The following LRPPRC variants were observed in gnomAD, a reference collection of about 807,000 sequenced individuals.
The protein encoded by LRPPRC is leucine rich pentatricopeptide repeat containing.
In LRPPRC, 120 loss-of-function variants were observed where a neutral mutation model predicts 180.3. The ratio of observed to expected loss-of-function variants is 0.67; its 90% CI spans 0.57 to 0.77. The LOEUF is 0.77. LRPPRC is among the 30% of genes least tolerant of loss of function. The pLI, the probability that LRPPRC is intolerant of heterozygous loss-of-function variation, is 0.00. For missense variants in LRPPRC, 2,012 were observed against 1,657.2 expected, an observed-to-expected ratio of 1.21 and a Z score of -3.72; for synonymous variants, 723 against 600.0, an observed-to-expected ratio of 1.21 and a Z score of -3.00.
intron 36 of LRPPRC, among the ~76,000 whole-genome samples, chr2:43,893,450 C>A (rs1019880271): frequency 2.6e-5 from 4 of 152,174 alleles, no homozygotes; most frequent in Non-Finnish European, 5.9e-5. Context: ...CAATCATCAC[C>A]CTGATCATTC....
At chr2:43,927,504 C>A (rs1277983258) in intron 25 of LRPPRC, among the ~76,000 whole-genome samples, 1 of 152,188 alleles carries the variant, frequency 6.6e-6, no homozygotes, top group Non-Finnish European at 1.5e-5. Context: ...CACTCAGGCA[C>A]AATTTCTTCT....
chr2:43,918,814 T>TCTCTATATATAGAG (rs1671583532), intron 27 of LRPPRC, among the ~76,000 whole-genome samples: 4 of 145,002 alleles, frequency 2.8e-5, no homozygotes, highest in African/African-American at 7.7e-5. Context: ...TATATAGATA[T>TCTCTATATATAGAG]ATATATATCT....
intron 1 of LRPPRC, among the ~76,000 whole-genome samples, chr2:43,990,229 G>A (rs896404988): frequency 5.3e-5 from 8 of 151,698 alleles, no homozygotes; most frequent in Non-Finnish European, 1.2e-4. Context: ...AAAAAAAAAA[G>A]AAAGTAATCA....
intron 1 of LRPPRC, among the ~76,000 whole-genome samples, chr2:43,985,112 G>C (rs1168929790): frequency 6.7e-6 from 1 of 149,292 alleles, no homozygotes; most frequent in Non-Finnish European, 1.5e-5. Context: ...GGCTTCCATG[G>C]GACCCTCCCC....
At chr2:43,972,593 G>A (rs1296780971) in intron 11 of LRPPRC, among the ~76,000 whole-genome samples, 1 of 152,084 alleles carries the variant, frequency 6.6e-6, no homozygotes, top group Non-Finnish European at 1.5e-5. Context: ...TCAGACTGGA[G>A]GATATACAAA....
chr2:43,979,591 TTC>T (rs1330681293), intron 3 of LRPPRC, among the ~76,000 whole-genome samples: 1 of 152,248 alleles, frequency 6.6e-6, no homozygotes, highest in Non-Finnish European at 1.5e-5. Flanking sequence ...GGCTATTTTC[TTC>T]TTTTTCTTTT....
At chr2:43,962,115 A>G (rs1673372066) in intron 12 of LRPPRC, among the ~76,000 whole-genome samples, 2 of 152,358 alleles carry the variant, frequency 1.3e-5, no homozygotes, top group South Asian at 2.1e-4. Flanking sequence ...CAAATTTGGG[A>G]TAAGTTTCCA....
chr2:43,900,624 G>A (rs1670848766), intron 32 of LRPPRC, among the ~76,000 whole-genome samples: 1 of 151,702 alleles, frequency 6.6e-6, no homozygotes, highest in Admixed American at 6.6e-5. Context: ...AAACACAACT[G>A]TTTCTCAAAC....
rs116975103 is a variant in LRPPRC at position 43,980,014 on chromosome 2, A to G, written c.347-66T>C. On this transcript the variant is annotated intron_variant, in intron 2 of 37. Coordinates refer to ENST00000260665, the MANE Select transcript of LRPPRC (RefSeq NM_133259.4). ...CAATATCACATAGATAAATATCAAA[A>G]TTTAAACAGAAATCTATAAGCATTC... 89 of 1,478,740 alleles carry G rather than the reference A, an allele frequency of 6.0e-5. No homozygotes were observed. The East Asian group carries it at 1.9e-3, about 32-fold the overall frequency. 91.6% of individuals were successfully genotyped at this position (1,478,740 alleles called of 1,614,324 possible).
At position 43,949,643 on chromosome 2, in the gene LRPPRC, TACA is replaced by T; in HGVS notation, c.1691_1693del (p.Leu564del). On this transcript the variant is annotated inframe_deletion, in exon 16 of 38. Coordinates refer to ENST00000260665, the MANE Select transcript of LRPPRC (RefSeq NM_133259.4). ...CTCCTGGCAATAACGTCCATCCTTG[TACA>T]ACAATTCTGTTATCTGGTAAGACAG... The T allele has an allele frequency of 3.7e-6, 6 of 1,613,848 alleles. No homozygotes were observed. The highest frequency in any genetic ancestry group is 5.1e-6 in the Non-Finnish European group (6 of 1,179,766).
At chr2:43,979,271 T>C (rs1408644721) in intron 3 of LRPPRC, among the ~76,000 whole-genome samples, 1 of 152,142 alleles carries the variant, frequency 6.6e-6, no homozygotes, top group Non-Finnish European at 1.5e-5. Flanking sequence ...TTCAAAATGG[T>C]ATCATTCTAT....
chr2:43,988,034 C>T lies in LRPPRC; in HGVS notation c.150-5600G>A, dbSNP rs577446721. On this transcript the variant is annotated intron_variant, in intron 1 of 37. Transcript: ENST00000260665. Reference sequence around the variant, plus strand: ...CGAGGTAGGCAGATCACTTGAAGTCCGTTCGAGACCAGCCCGGCCAACATG... The same window carrying T: ...CGAGGTAGGCAGATCACTTGAAGTCTGTTCGAGACCAGCCCGGCCAACATG... Among the ~76,000 whole-genome samples the T allele has an allele frequency of 1.8e-4, 28 of 151,962 alleles. No homozygotes were observed. The South Asian group carries it at 5.8e-3, about 32-fold the overall frequency.
At chr2:43,935,660 T>G (rs916431668) in intron 23 of LRPPRC, among the ~76,000 whole-genome samples, 4 of 135,036 alleles carry the variant, frequency 3.0e-5, no homozygotes, top group African/African-American at 1.1e-4. Flanking sequence ...CCTTAAGAAG[T>G]ATTTTCCCCC....
In LRPPRC at chr2:43,897,419, A is replaced by G. The variant is rs544043162; in HGVS notation, c.3826-711T>C. On this transcript the variant is annotated intron_variant, in intron 34 of 37. Transcript: ENST00000260665. ...CATTCTTTTAAGTTTCTAAAAGAAC[A>G]CTGCTCTTTCAAAGCTTTAAAACAC... Among the ~76,000 whole-genome samples, 15 of 152,316 alleles carry G rather than the reference A, an allele frequency of 9.8e-5. No homozygotes were observed. The South Asian group carries it at 3.1e-3, about 32-fold the overall frequency.
chr2:43,938,172 A>T (rs1034240014), intron 23 of LRPPRC, among the ~76,000 whole-genome samples: 1 of 148,302 alleles, frequency 6.7e-6, no homozygotes, highest in African/African-American at 2.6e-5. Context: ...TCTGTAGCAT[A>T]CTATTACCCT....
At position 43,899,207 on chromosome 2, in the gene LRPPRC, G is replaced by C. The variant is rs761720513; in HGVS notation, c.3825+12C>G. 3 of 1,590,760 alleles carry C rather than the reference G, an allele frequency of 1.9e-6. No homozygotes were observed. Among genetic ancestry groups the C allele is most frequent in the Admixed American group, 1.7e-5 (1 of 59,972 alleles). On this transcript the variant is annotated intron_variant, in intron 34 of 37. Coordinates refer to ENST00000260665, the MANE Select transcript of LRPPRC (RefSeq NM_133259.4). The stretch of plus-strand genomic sequence containing the variant: ...CTCGAGCCCCACTGCTCCATGAGTG[G>C]AGGGTCATTACCTGTAGGAGAGCTC...
rs567528097 is a variant in LRPPRC, at chr2:43,892,496, A to G, written c.3985+2049T>C. Among the ~76,000 whole-genome samples, 18 of 152,334 alleles carry G rather than the reference A, an allele frequency of 1.2e-4. No individual in the cohort carries two copies. In the South Asian group the frequency reaches 3.7e-3, roughly 32 times the overall value. ...TCACTGAGTATTTAAAGCCTGCTGT[A>G]GAGACCTACTGCTCAGGAAAAAAAA... On this transcript the variant is annotated intron_variant, in intron 36 of 37. Transcript: ENST00000260665.
At chr2:43,938,695 A>C (rs995333774) in intron 23 of LRPPRC, among the ~76,000 whole-genome samples, 7 of 152,222 alleles carry the variant, frequency 4.6e-5, no homozygotes, top group African/African-American at 1.4e-4. Context: ...TGACAGAAAA[A>C]CAAACACCAT....
At chr2:43,927,309 C>T (rs1230922182) in intron 25 of LRPPRC, among the ~76,000 whole-genome samples, 2 of 152,218 alleles carry the variant, frequency 1.3e-5, no homozygotes, top group Non-Finnish European at 1.5e-5. Context: ...CATTGTACAA[C>T]GTTAAATTAA....
Sources: gnomAD v4.1 joint callset for allele counts (sites outside exome capture counted in the v4.1 genomes callset) on GRCh38, gnomAD v4.1.1 for gene constraint, MANE v1.5 for transcripts, NCBI Gene and HGNC (gene_info 2026-07-23, HGNC 2026-07-21) for gene names.